GRID2: variants seen among roughly 807,000 people sequenced by gnomAD.
GRID2 encodes glutamate ionotropic receptor delta type subunit 2, also known as glutamate receptor ionotropic, delta-2.
A neutral mutation model predicts 114.8 loss-of-function variants in GRID2; 33 were observed. The observed-to-expected ratio is 0.29, with a 90% confidence interval of 0.22 to 0.38. The LOEUF is 0.38. GRID2 is among the 10% of genes least tolerant of loss of function. The probability of loss-of-function intolerance (pLI) is 1.00; values close to 1 mark genes in which losing one functional copy is unlikely to be tolerated. For synonymous variants in GRID2, 505 were observed against 449.9 expected (o/e 1.12, Z -1.55); for missense variants, 1,184 against 1,257.7 (o/e 0.94, Z 0.89).
At chr4:92,409,499 A>G (rs1317037174) in intron 1 of GRID2, among the ~76,000 whole-genome samples, 2 of 152,164 alleles carry the variant, frequency 1.3e-5, no homozygotes, top group Non-Finnish European at 2.9e-5. Flanking sequence ...GGTGTCTAAT[A>G]TATAGTATTA....
intron 4 of GRID2, among the ~76,000 whole-genome samples, chr4:93,150,683 T>C (rs1464423456): frequency 6.6e-6 from 1 of 151,864 alleles, no homozygotes; most frequent in Non-Finnish European, 1.5e-5. Context: ...GTGTCCTCTC[T>C]GAAATTTGTG....
At chr4:93,209,803 G>A (rs765515857) in intron 5 of GRID2, among the ~76,000 whole-genome samples, 8 of 152,044 alleles carry the variant, frequency 5.3e-5, no homozygotes, top group African/African-American at 9.7e-5. Context: ...TATGACTGGT[G>A]TGAGATGGTA....
In GRID2 at chr4:93,769,315, A is replaced by T; in HGVS notation, c.2466A>T (p.Lys822Asn). The part of the protein sequence containing the change: ...DLYSSVDTKQ[K>N]GGALDIKSFA... The stretch of plus-strand genomic sequence containing the variant: ...ACTCGTCAGTGGACACAAAGCAGAA[A>T]GGAGGCGCCCTGGACATAAAGAGCT... The change falls in exon 15 of 16, where the codon AAA (lysine) becomes AAT (asparagine). Residue 822 changes from lysine (K) to asparagine (N), a missense_variant. Physicochemically the swap from Lys to Asn is moderately conservative, Grantham distance 94. This residue lies in a region of GRID2 where 717 missense variants were observed against 796.9 expected (regional missense o/e 0.90). Transcript: ENST00000282020. The T allele has an allele frequency of 6.2e-7, 1 of 1,614,160 alleles. No homozygotes were observed. Among genetic ancestry groups the T allele is most frequent in the Non-Finnish European group, 8.5e-7 (1 of 1,180,004 alleles).
At chr4:93,218,161 C>T (rs1039198780) in intron 6 of GRID2, among the ~76,000 whole-genome samples, 4 of 151,902 alleles carry the variant, frequency 2.6e-5, no homozygotes, top group Non-Finnish European at 5.9e-5. Context: ...AGGATCATTA[C>T]CCTGTAACTT....
At chr4:93,488,833 A>C (rs921634846) in intron 11 of GRID2, among the ~76,000 whole-genome samples, 3 of 151,928 alleles carry the variant, frequency 2.0e-5, no homozygotes, top group African/African-American at 7.2e-5. Context: ...ATGCATGTGC[A>C]TCCCTGGTGT....
At chr4:92,738,218 C>G (rs1736697701) in intron 2 of GRID2, among the ~76,000 whole-genome samples, 1 of 152,120 alleles carries the variant, frequency 6.6e-6, no homozygotes, top group Non-Finnish European at 1.5e-5. Context: ...GCATAAATGT[C>G]TTCTTTTGAG....
chr4:93,499,756 A>G (rs1356658911), intron 12 of GRID2, among the ~76,000 whole-genome samples: 3 of 151,928 alleles, frequency 2.0e-5, no homozygotes, highest in African/African-American at 7.2e-5. Context: ...AAGAGCAGCT[A>G]ATATTTCTTG....
intron 1 of GRID2, among the ~76,000 whole-genome samples, chr4:92,505,902 T>G (rs1330283105): frequency 6.6e-6 from 1 of 151,980 alleles, no homozygotes; most frequent in East Asian, 1.9e-4. Flanking sequence ...GAAATCTCTT[T>G]TTATATTTGA....
At chr4:92,793,540 TAAAATA>T (rs1420929722) in intron 2 of GRID2, among the ~76,000 whole-genome samples, 2 of 149,598 alleles carry the variant, frequency 1.3e-5, no homozygotes, top group East Asian at 4.0e-4. Flanking sequence ...CCCCTGAACA[TAAAATA>T]AAAATTAAAA....
chr4:93,741,198 T>C (rs982261089), intron 14 of GRID2, among the ~76,000 whole-genome samples: 1 of 28,986 alleles, frequency 3.4e-5, no homozygotes, highest in Non-Finnish European at 6.0e-5. Flanking sequence ...TATATATATA[T>C]ATGTATATAT....
chr4:93,476,208 A>G (rs987358290), intron 11 of GRID2, among the ~76,000 whole-genome samples: 2 of 152,158 alleles, frequency 1.3e-5, no homozygotes, highest in African/African-American at 4.8e-5. Context: ...TTGGTATACA[A>G]TGATGTGTTA....
chr4:92,767,890 C>G (rs1738342646), intron 2 of GRID2, among the ~76,000 whole-genome samples: 1 of 150,640 alleles, frequency 6.6e-6, no homozygotes, highest in South Asian at 2.1e-4. Context: ...GCACTCCAAT[C>G]TCACCAACAT....
chr4:93,707,416 G>A (rs562127195), intron 14 of GRID2, among the ~76,000 whole-genome samples: 1 of 152,074 alleles, frequency 6.6e-6, no homozygotes, highest in African/African-American at 2.4e-5. Context: ...ATTTCTCCCT[G>A]CTTCAACCTT....
chr4:92,468,505 ATATT>A (rs1579417798), intron 1 of GRID2, among the ~76,000 whole-genome samples: 2 of 152,070 alleles, frequency 1.3e-5, no homozygotes. Context: ...ACTTAATGAA[ATATT>A]TATTTATTTT....
intron 1 of GRID2, among the ~76,000 whole-genome samples, chr4:92,329,943 AAG>A (rs372179429): frequency 1.3e-5 from 2 of 149,360 alleles, no homozygotes; most frequent in Admixed American, 6.7e-5. Flanking sequence ...GAAAGGAGAG[AAG>A]AGAGAGAGGG....
chr4:92,834,206 T>A (rs2149402313), intron 2 of GRID2, among the ~76,000 whole-genome samples: 1 of 152,332 alleles, frequency 6.6e-6, no homozygotes, highest in East Asian at 1.9e-4. Context: ...GCCATTCCAA[T>A]GAATATCATC....
At chr4:92,743,071 G>A (rs951522890) in intron 2 of GRID2, among the ~76,000 whole-genome samples, 1 of 152,188 alleles carries the variant, frequency 6.6e-6, no homozygotes, top group Middle Eastern at 3.2e-3. Context: ...GAGTCCAGGA[G>A]TTTGAGACCA....
chr4:93,461,771 C>T (rs978689261), intron 11 of GRID2, among the ~76,000 whole-genome samples: 2 of 152,060 alleles, frequency 1.3e-5, no homozygotes. Context: ...AATGAGAGAC[C>T]AATTTTATAC....
intron 2 of GRID2, among the ~76,000 whole-genome samples, chr4:93,025,506 T>C (rs774066895): frequency 4.6e-5 from 7 of 151,766 alleles, no homozygotes; most frequent in Non-Finnish European, 8.9e-5. Flanking sequence ...TAGTTGTCAA[T>C]TGATGATGGT....
Sources: gnomAD v4.1 joint callset for allele counts (sites outside exome capture counted in the v4.1 genomes callset) on GRCh38, gnomAD v4.1.1 for gene constraint, gnomAD v4.1.1 regional missense constraint, MANE v1.5 for transcripts, NCBI Gene and HGNC (gene_info 2026-07-23, HGNC 2026-07-21) for gene names.